Variants in DKK3 observed in about 807,000 individuals in gnomAD.
DKK3 encodes dickkopf Wnt signaling pathway inhibitor 3.
A neutral mutation model predicts 33.2 loss-of-function variants in DKK3; 22 were observed. The observed-to-expected ratio is 0.66, with a 90% CI of 0.47 to 0.95. DKK3 has a LOEUF of 0.95. DKK3 is among the 40% of genes least tolerant of loss of function. DKK3 has a pLI of 0.00. For synonymous variants in DKK3, 194 were observed against 188.8 expected, an observed-to-expected ratio of 1.03 and a Z score of -0.23; for missense variants, 398 against 458.4, an observed-to-expected ratio of 0.87 and a Z score of 1.20.
At chr11:11,993,934 T>A (rs146653894) in intron 3 of DKK3, among the ~76,000 whole-genome samples, 172 of 152,230 alleles carry the variant, frequency 1.1e-3, no homozygotes, top group African/African-American at 4.1e-3. Flanking sequence ...CATTTTGACC[T>A]ATCCTTCCCT....
chr11:11,995,220 C>T (rs868437477), intron 3 of DKK3, among the ~76,000 whole-genome samples: 2 of 152,218 alleles, frequency 1.3e-5, no homozygotes, highest in African/African-American at 4.8e-5. Context: ...GCTGGAACCA[C>T]AGGCATGTGC....
intron 3 of DKK3, among the ~76,000 whole-genome samples, chr11:11,976,981 G>A (rs1425206306): frequency 6.6e-6 from 1 of 152,184 alleles, no homozygotes; most frequent in African/African-American, 2.4e-5. Context: ...CTCACTGAGG[G>A]GCTCTAGCCT....
chr11:12,000,521 T>C (rs1848403442), intron 2 of DKK3, among the ~76,000 whole-genome samples: 1 of 151,370 alleles, frequency 6.6e-6, no homozygotes, highest in South Asian at 2.1e-4. Context: ...TTTTTTTTCT[T>C]TTTTTTGACA....
Position 11,965,891 on chromosome 11 carries a change from C to T in DKK3, c.748G>A (p.Asp250Asn), listed in dbSNP as rs1486258505. 3.1e-6 allele frequency: 5 copies of T among 1,614,026 alleles called. No individual in the cohort carries two copies. Among genetic ancestry groups the T allele is most frequent in the Non-Finnish European group, 4.2e-6 (5 of 1,180,052 alleles). Residue 250 changes from aspartate to asparagine, a missense_variant, in exon 6 of 7, where the codon GAC becomes AAC. By Grantham distance (23) the Asp-to-Asn change is conservative (BLOSUM62 1). Transcript: ENST00000683431. The part of the protein sequence containing the change: ...LCHDPASRLL[D>N]LITWELEPDG... The stretch of plus-strand genomic sequence containing the variant: ...GGCTCTAGCTCCCAGGTGATGAGGT[C>T]CAGAAGCCGGCTGGCGGGGTCATGG...
At chr11:11,987,630 T>C (rs956336910) in intron 3 of DKK3, among the ~76,000 whole-genome samples, 1 of 152,218 alleles carries the variant, frequency 6.6e-6, no homozygotes, top group Non-Finnish European at 1.5e-5. Context: ...GGTATGGCAG[T>C]GGATGGGCCA....
intron 4 of DKK3, 144 bp downstream of exon 4, chr11:11,968,251 G>A (rs565311429): frequency 3.2e-4 from 215 of 676,644 alleles, no homozygotes; most frequent in Non-Finnish European, 3.7e-4. Context: ...CCAGGAGTCA[G>A]CCCTCTGGGG....
chr11:11,968,324 G>T, intron 4 of DKK3, 71 bp downstream of exon 4: 1 of 1,464,374 alleles, frequency 6.8e-7, no homozygotes, highest in Non-Finnish European at 9.3e-7. Context: ...GAGAACGCTG[G>T]GGCCCCTGGC....
rs567325664 is a variant in DKK3, at chr11:11,981,274, G to A, written c.436-12787C>T. 3.3e-5 allele frequency among the ~76,000 whole-genome samples: 5 copies of A among 152,292 alleles called. No individual in the cohort carries two copies. The East Asian group carries it at 7.7e-4, about 24-fold the overall frequency. On this transcript the variant is annotated intron_variant, in intron 3 of 6. Coordinates refer to ENST00000683431, the MANE Select transcript of DKK3 (RefSeq NM_001018057.2). ...TGAGGAAGTCCAGGCTACATGGGGA[G>A]GCCAACAGCACTGCCTAGGGTTCCA...
intron 3 of DKK3, among the ~76,000 whole-genome samples, chr11:11,977,894 C>T (rs1564911758): frequency 6.6e-6 from 1 of 152,118 alleles, no homozygotes; most frequent in Admixed American, 6.5e-5. Flanking sequence ...GGTTATTGGA[C>T]AGATTAAAGG....
chr11:12,001,944 A>C, intron 2 of DKK3: 1 of 175,504 alleles, frequency 5.7e-6, no homozygotes, highest in Non-Finnish European at 1.2e-5. Flanking sequence ...GACATACATA[A>C]AAACCTATGA....
chr11:12,003,583 C>T (rs1301794379), intron 1 of DKK3, among the ~76,000 whole-genome samples: 1 of 152,142 alleles, frequency 6.6e-6, no homozygotes, highest in Non-Finnish European at 1.5e-5. Context: ...GACCTGTTCA[C>T]AGCTGATGGG....
In DKK3 at chr11:11,965,895, A is replaced by T. The variant is rs149653551; in HGVS notation, c.744T>A (p.Leu248=). 1.2e-6 allele frequency: 2 copies of T among 1,614,020 alleles called. No homozygotes were observed. Among genetic ancestry groups the T allele is most frequent in the African/African-American group, 2.7e-5 (2 of 74,932 alleles). ...GELCHDPASR[L]LDLITWELEP... Reference sequence around the variant, plus strand: ...CTAGCTCCCAGGTGATGAGGTCCAGAAGCCGGCTGGCGGGGTCATGGCAAA... The same window carrying T: ...CTAGCTCCCAGGTGATGAGGTCCAGTAGCCGGCTGGCGGGGTCATGGCAAA... Residue 248 remains leucine, a synonymous_variant, in exon 6 of 7, where the codon CTT becomes CTA. Coordinates refer to ENST00000683431, the MANE Select transcript of DKK3 (RefSeq NM_001018057.2).
Position 11,964,390 on chromosome 11 carries a change from C to A in DKK3, c.*74G>T. On this transcript the variant is annotated 3_prime_UTR_variant, in exon 7 of 7. Coordinates refer to ENST00000683431, the MANE Select transcript of DKK3 (RefSeq NM_001018057.2). ...GATGTAGGAAGAAGCCTGGTCAGCC[C>A]ACGCCTAAAGCACACACCTGGGGAA... is the stretch of plus-strand genomic sequence containing the variant. The A allele has an allele frequency of 6.5e-7, 1 of 1,545,668 alleles. No individual in the cohort carries two copies. Among genetic ancestry groups the A allele is most frequent in the South Asian group, 1.2e-5 (1 of 82,544 alleles).
intron 3 of DKK3, among the ~76,000 whole-genome samples, chr11:11,983,742 T>C (rs1848005723): frequency 6.6e-6 from 1 of 152,218 alleles, no homozygotes; most frequent in Non-Finnish European, 1.5e-5. Context: ...AAATGGTCCA[T>C]CTGGGAGATG....
Position 12,008,192 on chromosome 11 carries a change from G to C in DKK3, c.213+178C>G, listed in dbSNP as rs1180581950. Among the ~76,000 whole-genome samples the C allele has an allele frequency of 1.3e-5, 2 of 152,148 alleles. No individual in the cohort carries two copies. Among genetic ancestry groups the C allele is most frequent in the African/African-American group, 4.8e-5 (2 of 41,434 alleles). On this transcript the variant is annotated intron_variant, in intron 1 of 6. Coordinates refer to ENST00000683431, the MANE Select transcript of DKK3 (RefSeq NM_001018057.2). The surrounding 1 kb of genome is among the most constrained non-coding windows in gnomAD (Gnocchi z 4.6). ...AGACTTTTTGGCAAGGAGGCAAAAC[G>C]AGGCGGGAGTAGGGATCACCGTGCG...
At chr11:11,984,655 TA>T (rs11297335) in intron 3 of DKK3, among the ~76,000 whole-genome samples, 45,447 of 138,996 alleles carry the variant, frequency 0.33, 7,530 homozygotes, top group African/African-American at 0.45. Flanking sequence ...CAATTTCCTT[TA>T]AAAAAAAAAA....
At chr11:12,009,609 G>C (rs1220921920), upstream of DKK3, 3 of 985,778 alleles carry the variant, frequency 3.0e-6, no homozygotes, top group African/African-American at 3.5e-5. Context: ...ACCGAGGTTG[G>C]GGGTAGGGGG....
At chr11:12,009,005 C>T (rs1848604155), upstream of DKK3, 3 of 995,020 alleles carry the variant, frequency 3.0e-6, no homozygotes, top group Non-Finnish European at 3.6e-6. Flanking sequence ...GTGCCCGACC[C>T]CCACTTCCAC....
At chr11:11,988,015 C>T (rs1408724625) in intron 3 of DKK3, among the ~76,000 whole-genome samples, 1 of 152,176 alleles carries the variant, frequency 6.6e-6, no homozygotes, top group African/African-American at 2.4e-5. Flanking sequence ...TTGTAAAATA[C>T]CCTCCTCGGG....
Sources: gnomAD v4.1 joint callset for allele counts (sites outside exome capture counted in the v4.1 genomes callset) on GRCh38, gnomAD v4.1.1 for gene constraint, Gnocchi (gnomAD v3.1) non-coding constraint, MANE v1.5 for transcripts, NCBI Gene and HGNC (gene_info 2026-07-23, HGNC 2026-07-21) for gene names.